Variants in DOCK1 observed in about 807,000 individuals in gnomAD.
DOCK1 encodes dedicator of cytokinesis 1.
A neutral mutation model predicts 262.7 loss-of-function variants in DOCK1; 138 were observed. The ratio of observed to expected loss-of-function variants is 0.53; its 90% CI spans 0.46 to 0.61. The LOEUF is 0.61. Among genes scored for constraint, DOCK1 ranks in the 20% least tolerant of loss-of-function variants. DOCK1 has a pLI of 0.00. For synonymous variants in DOCK1, 866 were observed against 867.4 expected (o/e 1.00, Z 0.03); for missense variants, 1,908 against 2,370.7 (o/e 0.80, Z 4.05).
At chr10:127,300,944 C>A (rs2061659177) in intron 29 of DOCK1, among the ~76,000 whole-genome samples, 1 of 152,196 alleles carries the variant, frequency 6.6e-6, no homozygotes, top group Non-Finnish European at 1.5e-5. Flanking sequence ...TGGGCGCATC[C>A]GCTCACTGTA....
chr10:127,086,721 A>C (rs976056632), intron 23 of DOCK1, among the ~76,000 whole-genome samples: 3 of 152,174 alleles, frequency 2.0e-5, no homozygotes, highest in Admixed American at 1.3e-4. Flanking sequence ...ATTGACGTAA[A>C]ATGATGACGA....
At position 127,137,977 on chromosome 10, in the gene DOCK1, C is replaced by T. The variant is rs1005659885; in HGVS notation, c.2847+10213C>T. 1.9e-6 allele frequency: 3 copies of T among 1,613,520 alleles called. No individual in the cohort carries two copies. In the Admixed American group the frequency reaches 5.0e-5, roughly 27 times the overall value. On this transcript the variant is annotated intron_variant, in intron 27 of 51. Coordinates refer to ENST00000623213, the MANE Select transcript of DOCK1 (RefSeq NM_001290223.2). ...TCAATAGGGTGGAGTTTTCTTAGAA[C>T]CGGCTGGAGTTTGTCTTCTTGCTGC...
intron 38 of DOCK1, among the ~76,000 whole-genome samples, chr10:127,388,148 G>C (rs1360097559): frequency 1.3e-5 from 2 of 152,148 alleles, no homozygotes; most frequent in Non-Finnish European, 2.9e-5. Context: ...TGATGAAATG[G>C]AATGGGCAGC....
At chr10:127,083,154 C>T (rs2047003307) in intron 23 of DOCK1, among the ~76,000 whole-genome samples, 1 of 152,222 alleles carries the variant, frequency 6.6e-6, no homozygotes, top group Non-Finnish European at 1.5e-5. Context: ...GATCTGTCTT[C>T]TCTAGCAGGG....
chr10:127,065,776 G>C (rs140225577), intron 23 of DOCK1, among the ~76,000 whole-genome samples: 152 of 152,166 alleles, frequency 1.0e-3, no homozygotes, highest in African/African-American at 3.4e-3. Flanking sequence ...AAAGGCCTGG[G>C]GTCAGAGGCG....
intron 27 of DOCK1, among the ~76,000 whole-genome samples, chr10:127,245,132 TG>T (rs2059389174): frequency 1.3e-5 from 2 of 152,180 alleles, no homozygotes; most frequent in African/African-American, 4.8e-5. Context: ...TCATGGTATC[TG>T]CAGTATTTGC....
At chr10:127,007,784 C>A (rs1591625800) in intron 10 of DOCK1, among the ~76,000 whole-genome samples, 1 of 152,192 alleles carries the variant, frequency 6.6e-6, no homozygotes, top group Admixed American at 6.5e-5. Flanking sequence ...TGGAGACTTT[C>A]TCGCTGTAGA....
chr10:127,059,745 G>C (rs756698595), intron 22 of DOCK1, among the ~76,000 whole-genome samples: 3 of 151,500 alleles, frequency 2.0e-5, no homozygotes, highest in Non-Finnish European at 2.9e-5. Context: ...TAGTTGTTTT[G>C]ATGTTCTAGG....
At chr10:126,945,446 A>G (rs1184455283) in intron 1 of DOCK1, among the ~76,000 whole-genome samples, 2 of 150,908 alleles carry the variant, frequency 1.3e-5, no homozygotes, top group African/African-American at 4.9e-5. Flanking sequence ...GAAAGAGGGG[A>G]GAAGGGGAAA....
chr10:127,175,087 T>TA lies in DOCK1; in HGVS notation c.2847+47324dup. 1 of 837,234 alleles carries TA rather than the reference T, an allele frequency of 1.2e-6. No homozygotes were observed. The highest frequency in any genetic ancestry group is 1.9e-6 in the Non-Finnish European group (1 of 516,146). The allele number at this position is 837,234 out of a possible 1,614,324, so 51.9% of individuals were successfully genotyped here. ...GACCCCTTGGAGCTCGCCACGCCCT[T>TA]AGACTATGACCTGTTTACGGAAATG... On this transcript the variant is annotated intron_variant, in intron 27 of 51. Transcript: ENST00000623213. This position sits in a 1 kb window ranked among gnomAD's most constrained non-coding sequence, Gnocchi z 6.3.
chr10:126,910,237 A>G (rs2031568097), intron 1 of DOCK1, among the ~76,000 whole-genome samples: 1 of 152,268 alleles, frequency 6.6e-6, no homozygotes, highest in Admixed American at 6.5e-5. Context: ...CTTTGGAAAC[A>G]TAAGAAATTT....
chr10:127,390,469 G>A (rs2066408614), intron 38 of DOCK1, among the ~76,000 whole-genome samples: 1 of 152,180 alleles, frequency 6.6e-6, no homozygotes, highest in African/African-American at 2.4e-5. Flanking sequence ...CTTTAAAGAG[G>A]TAATTAAGGT....
intron 27 of DOCK1, among the ~76,000 whole-genome samples, chr10:127,239,471 A>G (rs1346775433): frequency 6.6e-6 from 1 of 152,158 alleles, no homozygotes; most frequent in East Asian, 1.9e-4. Context: ...TTTCTCCTTA[A>G]TACATCATCC....
chr10:127,306,778 T>C (rs2061893206), intron 29 of DOCK1, among the ~76,000 whole-genome samples: 1 of 152,184 alleles, frequency 6.6e-6, no homozygotes, highest in Non-Finnish European at 1.5e-5. Flanking sequence ...TCAGCTATTA[T>C]GAAACTAAAC....
chr10:127,217,701 A>C (rs1480352928), intron 27 of DOCK1, among the ~76,000 whole-genome samples: 1 of 152,228 alleles, frequency 6.6e-6, no homozygotes, highest in East Asian at 1.9e-4. Flanking sequence ...AGTAACATTT[A>C]TCTGAAAAAC....
intron 4 of DOCK1, 63 bp from the exon 5 acceptor site, chr10:126,987,458 G>C: frequency 1.5e-6 from 2 of 1,361,766 alleles, no homozygotes; most frequent in Non-Finnish European, 2.0e-6. Flanking sequence ...AAATTTACCA[G>C]GTACTACTCA....
intron 21 of DOCK1, among the ~76,000 whole-genome samples, chr10:127,046,011 T>G (rs2044323626): frequency 6.6e-6 from 1 of 152,200 alleles, no homozygotes; most frequent in East Asian, 1.9e-4. Context: ...TTATTTATTT[T>G]CTTTCTTTTT....
chr10:126,980,414 G>C (rs992518829), intron 3 of DOCK1, among the ~76,000 whole-genome samples: 4 of 152,098 alleles, frequency 2.6e-5, no homozygotes, highest in African/African-American at 9.7e-5. Flanking sequence ...CTGGCTGTTG[G>C]TGAGCTCCTA....
chr10:127,261,100 T>C (rs2135018989), intron 29 of DOCK1, among the ~76,000 whole-genome samples: 1 of 139,128 alleles, frequency 7.2e-6, no homozygotes, highest in Non-Finnish European at 1.6e-5. Flanking sequence ...TCTGTGTGTG[T>C]ACCTGCATGT....
Sources: gnomAD v4.1 joint callset for allele counts (sites outside exome capture counted in the v4.1 genomes callset) on GRCh38, gnomAD v4.1.1 for gene constraint, Gnocchi (gnomAD v3.1) non-coding constraint, MANE v1.5 for transcripts, NCBI Gene and HGNC (gene_info 2026-07-23, HGNC 2026-07-21) for gene names.